Variants in GALNTL6 observed in about 807,000 individuals in gnomAD.
GALNTL6 encodes polypeptide N-acetylgalactosaminyltransferase-like 6.
Under a neutral mutation model 73.7 loss-of-function variants are expected in GALNTL6, and 46 were observed. The observed-to-expected ratio is 0.62, with a 90% CI of 0.49 to 0.80. The LOEUF (loss-of-function observed/expected upper bound fraction) is 0.80. Among genes scored for constraint, GALNTL6 ranks in the 30% least tolerant of loss-of-function variants. The probability of loss-of-function intolerance (pLI) is 0.00; values close to 1 mark genes in which losing one functional copy is unlikely to be tolerated. For missense variants in GALNTL6, 604 were observed against 755.0 expected (o/e 0.80, Z 2.34); for synonymous variants, 259 against 263.7 (o/e 0.98, Z 0.17).
Position 172,069,656 on chromosome 4 carries a change from C to A in GALNTL6, c.139-160000C>A. Among the ~76,000 whole-genome samples, 6 of 68,410 alleles carry A rather than the reference C, an allele frequency of 8.8e-5. 3 individuals carry two copies. The highest frequency in any genetic ancestry group is 1.3e-4 in the African/African-American group (2 of 15,724). 44.9% of individuals were successfully genotyped at this position (68,410 alleles called of 152,430 possible). A position where few individuals can be genotyped will look rare whatever the true frequency, so the allele number is the denominator to read the frequency against. ...TCCTAAATTTCCTCATACATAGTATCTGACAACATATGTGTAATTTCTGCA... is the reference window on the plus strand; with the variant it reads ...TCCTAAATTTCCTCATACATAGTATATGACAACATATGTGTAATTTCTGCA... On this transcript the variant is annotated intron_variant, in intron 2 of 12. Coordinates refer to ENST00000506823, the MANE Select transcript of GALNTL6 (RefSeq NM_001034845.3).
intron 4 of GALNTL6, among the ~76,000 whole-genome samples, chr4:172,343,337 G>A (rs1337721625): frequency 2.0e-5 from 3 of 152,078 alleles, no homozygotes; most frequent in East Asian, 1.9e-4. Context: ...TTTAAGTGAT[G>A]GTGAAGAATA....
chr4:172,755,973 C>A (rs1737726168), intron 5 of GALNTL6, among the ~76,000 whole-genome samples: 1 of 152,090 alleles, frequency 6.6e-6, no homozygotes, highest in Non-Finnish European at 1.5e-5. Flanking sequence ...TCATTTGGTA[C>A]CAACGTGAAA....
intron 5 of GALNTL6, among the ~76,000 whole-genome samples, chr4:172,351,512 G>A (rs1440663971): frequency 6.6e-6 from 1 of 152,036 alleles, no homozygotes; most frequent in African/African-American, 2.4e-5. Context: ...AGAAGAAAAG[G>A]AAGATACCCC....
At chr4:171,904,201 A>G (rs1426683731) in intron 2 of GALNTL6, among the ~76,000 whole-genome samples, 3 of 152,220 alleles carry the variant, frequency 2.0e-5, no homozygotes, top group Non-Finnish European at 4.4e-5. Flanking sequence ...ACTCCAAGCT[A>G]CAGGAGGACA....
chr4:172,121,687 G>A (rs1040740499), intron 2 of GALNTL6, among the ~76,000 whole-genome samples: 1 of 152,044 alleles, frequency 6.6e-6, no homozygotes, highest in South Asian at 2.1e-4. Context: ...TGGTTCTCAG[G>A]CTAGGTCTAC....
intron 10 of GALNTL6, among the ~76,000 whole-genome samples, chr4:172,998,913 T>C (rs2126472114): frequency 6.6e-6 from 1 of 151,496 alleles, no homozygotes; most frequent in East Asian, 1.9e-4. Flanking sequence ...TTCTTACTCA[T>C]ACGTGGTTGC....
intron 2 of GALNTL6, among the ~76,000 whole-genome samples, chr4:171,821,640 G>GATATATATATATATATATATAT (rs3080305): frequency 1.8e-4 from 27 of 146,242 alleles, no homozygotes; most frequent in African/African-American, 3.2e-4. Context: ...AGGCTTAACG[G>GATATATATATATATATATATAT]ATATATATAT....
intron 10 of GALNTL6, among the ~76,000 whole-genome samples, chr4:172,962,906 G>A (rs1273362611): frequency 3.3e-5 from 5 of 152,028 alleles, no homozygotes; most frequent in Non-Finnish European, 7.4e-5. Context: ...CCCTGCTTCT[G>A]CCTGCCGCGC....
intron 2 of GALNTL6, among the ~76,000 whole-genome samples, chr4:171,976,513 T>C (rs75446544): frequency 0.026 from 3,968 of 152,316 alleles, 189 homozygotes; most frequent in African/African-American, 0.09. Flanking sequence ...ATAGGTTTTG[T>C]ATGGTGTATC....
intron 10 of GALNTL6, among the ~76,000 whole-genome samples, chr4:172,956,152 G>A (rs1749740703): frequency 6.6e-6 from 1 of 152,128 alleles, no homozygotes; most frequent in Admixed American, 6.5e-5. Flanking sequence ...GGTATGGAGA[G>A]ATAATGCGCG....
At chr4:172,435,579 G>T (rs779693163) in intron 5 of GALNTL6, among the ~76,000 whole-genome samples, 6 of 152,104 alleles carry the variant, frequency 3.9e-5, no homozygotes, top group Non-Finnish European at 5.9e-5. Context: ...CTATCTTAAT[G>T]CTGATGAGTC....
At chr4:171,874,878 A>AT (rs2110901341) in intron 2 of GALNTL6, among the ~76,000 whole-genome samples, 1 of 152,346 alleles carries the variant, frequency 6.6e-6, no homozygotes, top group South Asian at 2.1e-4. Context: ...GAGTAAGAGA[A>AT]TGGAGCAAGC....
At position 172,897,534 on chromosome 4, in the gene GALNTL6, G is replaced by T. The variant is rs1168690599; in HGVS notation, c.1041+14627G>T. On this transcript the variant is annotated intron_variant, in intron 8 of 12. Coordinates refer to ENST00000506823, the MANE Select transcript of GALNTL6 (RefSeq NM_001034845.3). The stretch of plus-strand genomic sequence containing the variant: ...GTGCGAGGGTCCTTCCAAACCCCTT[G>T]GCAGATGGTTTTTTATTATAGGCTC... Among the ~76,000 whole-genome samples the T allele has an allele frequency of 6.6e-5, 10 of 152,264 alleles. No individual in the cohort carries two copies. In the South Asian group the frequency reaches 1.0e-3, roughly 16 times the overall value.
intron 2 of GALNTL6, among the ~76,000 whole-genome samples, chr4:172,198,907 C>G (rs934623320): frequency 6.6e-6 from 1 of 152,034 alleles, no homozygotes; most frequent in Non-Finnish European, 1.5e-5. Context: ...TTTAGTACTT[C>G]ACTTCTCTCT....
intron 2 of GALNTL6, among the ~76,000 whole-genome samples, chr4:172,084,925 T>C (rs1731983738): frequency 6.6e-6 from 1 of 152,168 alleles, no homozygotes; most frequent in South Asian, 2.1e-4. Flanking sequence ...TCCTGAAAAT[T>C]CAATCAGCAA....
chr4:171,833,450 T>A (rs1001314161), intron 2 of GALNTL6, among the ~76,000 whole-genome samples: 1 of 151,698 alleles, frequency 6.6e-6, no homozygotes, highest in Non-Finnish European at 1.5e-5. Context: ...TCTTATTCTC[T>A]CATTAACAAC....
At chr4:172,376,847 T>C (rs1743051129) in intron 5 of GALNTL6, among the ~76,000 whole-genome samples, 1 of 152,148 alleles carries the variant, frequency 6.6e-6, no homozygotes, top group Admixed American at 6.5e-5. Flanking sequence ...ATTACAGTTC[T>C]TAAAGATGGT....
intron 3 of GALNTL6, among the ~76,000 whole-genome samples, chr4:172,269,631 T>C (rs972133764): frequency 5.3e-5 from 8 of 152,226 alleles, no homozygotes; most frequent in Admixed American, 1.3e-4. Flanking sequence ...TTTTCCATTA[T>C]AGAGGAAGTC....
chr4:172,132,393 C>G (rs1733522231), intron 2 of GALNTL6, among the ~76,000 whole-genome samples: 1 of 151,880 alleles, frequency 6.6e-6, no homozygotes, highest in South Asian at 2.1e-4. Flanking sequence ...TTTCTATCAC[C>G]AAAAAATCAT....
Sources: gnomAD v4.1 joint callset for allele counts (sites outside exome capture counted in the v4.1 genomes callset) on GRCh38, gnomAD v4.1.1 for gene constraint, MANE v1.5 for transcripts, NCBI Gene and HGNC (gene_info 2026-07-23, HGNC 2026-07-21) for gene names.